NLGN1: variants seen among roughly 807,000 people sequenced by gnomAD.
The protein encoded by NLGN1 is neuroligin-1.
Under a neutral mutation model 65.5 loss-of-function variants are expected in NLGN1, and 12 were observed. That is an observed-to-expected ratio of 0.18 (90% CI 0.12 to 0.30). NLGN1 has a LOEUF of 0.30. Among genes scored for constraint, NLGN1 ranks in the 10% least tolerant of loss-of-function variants. NLGN1 has a pLI of 1.00. For missense variants in NLGN1, 750 were observed against 1,007.1 expected (o/e 0.74, Z 3.46); for synonymous variants, 350 against 359.5 (o/e 0.97, Z 0.30).
intron 3 of NLGN1, among the ~76,000 whole-genome samples, chr3:173,802,499 T>C (rs1202620791): frequency 6.6e-6 from 1 of 152,216 alleles, no homozygotes; most frequent in Admixed American, 6.5e-5. Context: ...TCAGATATCC[T>C]ACAGGGGAAA....
intron 4 of NLGN1, among the ~76,000 whole-genome samples, chr3:173,989,043 A>C (rs995522243): frequency 2.0e-5 from 3 of 152,176 alleles, no homozygotes; most frequent in African/African-American, 7.2e-5. Context: ...TTGACACTTA[A>C]TTTGGTAAAT....
intron 3 of NLGN1, among the ~76,000 whole-genome samples, chr3:173,727,462 G>A (rs763633133): frequency 5.3e-5 from 8 of 152,006 alleles, no homozygotes; most frequent in South Asian, 2.1e-4. Flanking sequence ...TGCCACTGAC[G>A]TGCTAGAGTT....
At chr3:173,737,740 A>C (rs959096969) in intron 3 of NLGN1, among the ~76,000 whole-genome samples, 6 of 152,038 alleles carry the variant, frequency 3.9e-5, no homozygotes, top group African/African-American at 1.4e-4. Flanking sequence ...ATTTGCATGG[A>C]CATGTTTTTA....
intron 4 of NLGN1, among the ~76,000 whole-genome samples, chr3:173,922,325 C>T (rs1337620095): frequency 6.6e-6 from 1 of 151,898 alleles, no homozygotes; most frequent in East Asian, 1.9e-4. Flanking sequence ...GAAAAAGACA[C>T]AAATATAGTT....
chr3:173,671,407 A>G (rs984380380), intron 3 of NLGN1, among the ~76,000 whole-genome samples: 1 of 151,946 alleles, frequency 6.6e-6, no homozygotes, highest in Non-Finnish European at 1.5e-5. Flanking sequence ...ACCTGAGCCC[A>G]GGAAGTTGAG....
At chr3:173,497,338 A>G (rs1362697079) in intron 2 of NLGN1, among the ~76,000 whole-genome samples, 3 of 151,600 alleles carry the variant, frequency 2.0e-5, no homozygotes, top group Non-Finnish European at 4.4e-5. Flanking sequence ...CAGTGAGCCA[A>G]GAGCATGCCA....
intron 4 of NLGN1, among the ~76,000 whole-genome samples, chr3:174,126,719 C>T (rs1231938430): frequency 6.6e-6 from 1 of 152,026 alleles, no homozygotes; most frequent in African/African-American, 2.4e-5. Context: ...GAAAACTAGA[C>T]CCTTGAAAAT....
chr3:173,676,246 A>T (rs2149761143), intron 3 of NLGN1, among the ~76,000 whole-genome samples: 1 of 152,256 alleles, frequency 6.6e-6, no homozygotes, highest in Admixed American at 6.5e-5. Context: ...TGAGGTAGTG[A>T]TGCCTTTGAC....
Position 174,185,219 on chromosome 3 carries a change from C to A in NLGN1, c.647-90096C>A, listed in dbSNP as rs116479045. 2.1e-3 allele frequency among the ~76,000 whole-genome samples: 321 copies of A among 152,196 alleles called. 1 individual carries two copies. The highest frequency in any genetic ancestry group is 3.8e-3 in the Non-Finnish European group (260 of 67,996). On this transcript the variant is annotated intron_variant, in intron 4 of 6. Coordinates refer to ENST00000457714, the Ensembl canonical transcript of NLGN1. ...TTCCGTCACACTCTACATGTATTAA[C>A]AATTTATCCATATGCCATAATTACA... is the stretch of plus-strand genomic sequence containing the variant.
intron 3 of NLGN1, among the ~76,000 whole-genome samples, chr3:173,647,458 G>T (rs1007393787): frequency 1.3e-5 from 2 of 152,038 alleles, no homozygotes; most frequent in Admixed American, 6.6e-5. Flanking sequence ...AAAACAAGTT[G>T]CAGTACATTT....
chr3:173,555,720 C>A (rs1741601913), intron 2 of NLGN1, among the ~76,000 whole-genome samples: 1 of 152,118 alleles, frequency 6.6e-6, no homozygotes, highest in African/African-American at 2.4e-5. Context: ...TGGGCTCAAG[C>A]AATCATCCAC....
chr3:173,989,294 A>G (rs1381358539), intron 4 of NLGN1, among the ~76,000 whole-genome samples: 2 of 152,190 alleles, frequency 1.3e-5, no homozygotes, highest in Non-Finnish European at 2.9e-5. Context: ...TTTAAAAAGA[A>G]GTAATCCTTA....
chr3:173,994,619 A>G (rs1721898357), intron 4 of NLGN1, among the ~76,000 whole-genome samples: 1 of 152,170 alleles, frequency 6.6e-6, no homozygotes, highest in Non-Finnish European at 1.5e-5. Flanking sequence ...TCTTACTGTG[A>G]AACATTTTGT....
intron 2 of NLGN1, among the ~76,000 whole-genome samples, chr3:173,461,802 T>G (rs989946879): frequency 2.0e-5 from 3 of 152,176 alleles, no homozygotes; most frequent in Non-Finnish European, 4.4e-5. Context: ...TTTTGCCTCC[T>G]CACCTACTTT....
chr3:174,154,457 T>G (rs1489353009), intron 4 of NLGN1, among the ~76,000 whole-genome samples: 4 of 151,996 alleles, frequency 2.6e-5, no homozygotes, highest in African/African-American at 4.8e-5. Flanking sequence ...TACACAAGAT[T>G]TTTCACATCA....
chr3:173,590,772 G>T (rs975786819), intron 2 of NLGN1, among the ~76,000 whole-genome samples: 4 of 152,106 alleles, frequency 2.6e-5, no homozygotes, highest in Admixed American at 2.0e-4. Context: ...ATTCCAAAGG[G>T]AGGAAGGATT....
chr3:173,992,107 G>A (rs1010755951), intron 4 of NLGN1, among the ~76,000 whole-genome samples: 2 of 151,938 alleles, frequency 1.3e-5, no homozygotes, highest in Non-Finnish European at 2.9e-5. Context: ...TTGGTTTTAC[G>A]TGAAGATCTC....
chr3:173,688,041 C>T (rs1490699768), intron 3 of NLGN1, among the ~76,000 whole-genome samples: 3 of 152,180 alleles, frequency 2.0e-5, no homozygotes, highest in Non-Finnish European at 4.4e-5. Flanking sequence ...AATGGACATT[C>T]TGCAGTTCAT....
intron 2 of NLGN1, among the ~76,000 whole-genome samples, chr3:173,508,780 C>T (rs1732449600): frequency 6.6e-6 from 1 of 152,154 alleles, no homozygotes; most frequent in Non-Finnish European, 1.5e-5. Flanking sequence ...GTTCTCCAGT[C>T]TTATCGAACT....
Sources: allele counts gnomAD v4.1 joint callset (sites outside exome capture counted in the v4.1 genomes callset), GRCh38; gene constraint gnomAD v4.1.1; transcripts MANE v1.5; gene names NCBI Gene and HGNC (gene_info 2026-07-23, HGNC 2026-07-21).